The following HHIPL2 variants were observed in gnomAD, a reference collection of about 807,000 sequenced individuals.
HHIPL2 encodes HHIP-like protein 2.
Under a neutral mutation model 61.0 loss-of-function variants are expected in HHIPL2, and 61 were observed. The observed-to-expected ratio is 1.00, with a 90% CI of 0.81 to 1.24. The LOEUF is 1.24. HHIPL2 is among the 50% of genes most tolerant of loss of function. HHIPL2 has a pLI of 0.00. For missense variants in HHIPL2, 885 were observed against 910.2 expected (o/e 0.97, Z 0.36); for synonymous variants, 343 against 357.4 (o/e 0.96, Z 0.45).
In HHIPL2 at chr1:222,548,005, G is replaced by GC. The variant is rs764034570; in HGVS notation, c.39dup (p.His14AlafsTer46). The stretch of plus-strand genomic sequence containing the variant: ...GAAGAGAGCCAGGGGGCCCGGCAAT[G>GC]CAGACCACCACACAGATTAGGAGTG... On this transcript the variant is annotated frameshift_variant, in exon 1 of 9. Coordinates refer to ENST00000343410, the MANE Select transcript of HHIPL2 (RefSeq NM_024746.4). LOFTEE classifies it high-confidence loss of function. The GC allele has an allele frequency of 1.4e-5, 23 of 1,600,918 alleles. No homozygotes were observed. In the African/African-American group the frequency reaches 3.1e-4, roughly 21 times the overall value.
chr1:222,540,203 C>T lies in HHIPL2; in HGVS notation c.1257G>A (p.Arg419=), dbSNP rs1659401379. 1 of 1,614,150 alleles carries T rather than the reference C, an allele frequency of 6.2e-7. No individual in the cohort carries two copies. The highest frequency in any genetic ancestry group is 1.7e-5 in the Admixed American group (1 of 60,016). The change falls in exon 4 of 9, where the codon AGG becomes AGA. Residue 419 remains arginine, a synonymous_variant. Transcript: ENST00000343410. Reference sequence around the variant, plus strand: ...GGTCCACAGCACAACGCCACATGTTCCTGATCCCATAGGCATAGATGGCGG... The same window carrying T: ...GGTCCACAGCACAACGCCACATGTTTCTGATCCCATAGGCATAGATGGCGG... ...AHPAIYAYGI[R]NMWRCAVDRG...
rs753759658 is a variant in HHIPL2, at chr1:222,540,145, G to A, written c.1315C>T (p.Arg439Trp). The change falls in exon 4 of 9, where the codon CGG becomes TGG. Residue 439 changes from arginine (R) to tryptophan (W), a missense_variant. By Grantham distance (101) the Arg-to-Trp change is moderately radical. Transcript: ENST00000343410. ...TGGCCCACGTCCCCACAGAATATCC[G>A]GCCTCGGCCCTGGCGCGTGATGGGG... is the stretch of plus-strand genomic sequence containing the variant. ...GDPITRQGRG[R>W]IFCGDVGQNR... 70 of 1,614,102 alleles carry A rather than the reference G, an allele frequency of 4.3e-5. No individual in the cohort carries two copies. Among genetic ancestry groups the A allele is most frequent in the African/African-American group, 1.1e-4 (8 of 74,938 alleles).
chr1:222,526,128 G>A (rs1003159411), intron 7 of HHIPL2, among the ~76,000 whole-genome samples: 3 of 152,174 alleles, frequency 2.0e-5, no homozygotes, highest in East Asian at 3.8e-4. Context: ...TCTCAAGTGG[G>A]AAGTGGTATT....
chr1:222,543,671 G>C lies in HHIPL2; in HGVS notation c.840C>G (p.His280Gln), dbSNP rs758120875. 1.2e-6 allele frequency: 2 copies of C among 1,614,130 alleles called. No homozygotes were observed. Among genetic ancestry groups the C allele is most frequent in the Non-Finnish European group, 1.7e-6 (2 of 1,180,020 alleles). Residue 280 changes from histidine to glutamine, a missense_variant, in exon 2 of 9, where the codon CAC (histidine) becomes CAG (glutamine). Physicochemically the swap from His to Gln is conservative, Grantham distance 24. Transcript: ENST00000343410. ...ACTTGCGATTGTGGCGGAATTTGGGGTGAAAAGCCAACCCCAAGAAGCCTC... is the reference window on the plus strand; with the variant it reads ...ACTTGCGATTGTGGCGGAATTTGGGCTGAAAAGCCAACCCCAAGAAGCCTC... ...DERGFLGLAF[H>Q]PKFRHNRKFY...
rs1453904500 is a variant in HHIPL2, at chr1:222,522,649, C to T, written c.2127G>A (p.Arg709=). The T allele has an allele frequency of 1.2e-6, 2 of 1,614,066 alleles. No individual in the cohort carries two copies. Among genetic ancestry groups the T allele is most frequent in the Admixed American group, 1.7e-5 (1 of 60,014 alleles). ...RRKSLKSHSG[R]MRPSAEQKRA... Reference sequence around the variant, plus strand: ...GCTTCTGCTCTGCTGATGGCCTCATCCTGCCACTGTGGCTTTTCAGGCTCT... The same window carrying T: ...GCTTCTGCTCTGCTGATGGCCTCATTCTGCCACTGTGGCTTTTCAGGCTCT... The change falls in exon 9 of 9, where the codon AGG becomes AGA. Residue 709 remains arginine (R), a synonymous_variant. Coordinates refer to ENST00000343410, the MANE Select transcript of HHIPL2 (RefSeq NM_024746.4).
chr1:222,538,535 TA>T, intron 5 of HHIPL2, 112 bp downstream of exon 5: 1 of 992,224 alleles, frequency 1.0e-6, no homozygotes, highest in Non-Finnish European at 1.5e-6. Flanking sequence ...CATACATTTG[TA>T]AAACATCAAA....
At chr1:222,533,357 T>A (rs1659231790) in intron 5 of HHIPL2, among the ~76,000 whole-genome samples, 1 of 134,864 alleles carries the variant, frequency 7.4e-6, no homozygotes, top group Non-Finnish European at 1.5e-5. Flanking sequence ...AGAGGGAGAC[T>A]CTGTCTCAAA....
At chr1:222,533,712 G>A (rs1266376848) in intron 5 of HHIPL2, among the ~76,000 whole-genome samples, 1 of 152,170 alleles carries the variant, frequency 6.6e-6, no homozygotes, top group African/African-American at 2.4e-5. Flanking sequence ...CTGACAGACA[G>A]GAAACAAACA....
intron 5 of HHIPL2, among the ~76,000 whole-genome samples, chr1:222,538,189 G>A (rs1292031444): frequency 7.1e-6 from 1 of 141,060 alleles, no homozygotes; most frequent in African/African-American, 2.6e-5. Context: ...GCTTATCTCT[G>A]GCTGGGGTGT....
At chr1:222,538,193 G>GGGGT (rs969294320) in intron 5 of HHIPL2, among the ~76,000 whole-genome samples, 16 of 118,848 alleles carry the variant, frequency 1.3e-4, no homozygotes, top group African/African-American at 4.4e-4. Flanking sequence ...ATCTCTGGCT[G>GGGGT]GGGTGTGTGT....
chr1:222,523,757 G>T (rs779228778), intron 7 of HHIPL2, 63 bp from the exon 8 acceptor site: 6 of 1,493,072 alleles, frequency 4.0e-6, no homozygotes, highest in Non-Finnish European at 5.6e-6. Flanking sequence ...GAAAATCAAG[G>T]TTACCAGAGG....
chr1:222,534,126 A>T (rs957316287), intron 5 of HHIPL2, among the ~76,000 whole-genome samples: 1 of 152,228 alleles, frequency 6.6e-6, no homozygotes, highest in Non-Finnish European at 1.5e-5. Context: ...CTGTTTAGCA[A>T]ATATTAATAG....
In HHIPL2 at chr1:222,522,646, C is replaced by G. The variant is rs986089910; in HGVS notation, c.2130G>C (p.Met710Ile). 4.3e-6 allele frequency: 7 copies of G among 1,614,168 alleles called. No individual in the cohort carries two copies. The highest frequency in any genetic ancestry group is 5.9e-6 in the Non-Finnish European group (7 of 1,180,042). Residue 710 changes from methionine to isoleucine, a missense_variant, in exon 9 of 9, where the codon ATG becomes ATC. Transcript: ENST00000343410. The stretch of plus-strand genomic sequence containing the variant: ...CTCGCTTCTGCTCTGCTGATGGCCT[C>G]ATCCTGCCACTGTGGCTTTTCAGGC... ...RKSLKSHSGRMRPSAEQKRAG... is the reference protein window; with the variant it reads ...RKSLKSHSGRIRPSAEQKRAG...
chr1:222,545,505 A>G (rs1571779647), intron 1 of HHIPL2, among the ~76,000 whole-genome samples: 1 of 151,890 alleles, frequency 6.6e-6, no homozygotes, highest in South Asian at 2.1e-4. Context: ...AACATGACCC[A>G]CTCTTAAGTG....
intron 7 of HHIPL2, among the ~76,000 whole-genome samples, chr1:222,526,279 T>C (rs1558125949): frequency 6.6e-6 from 1 of 152,198 alleles, no homozygotes; most frequent in East Asian, 1.9e-4. Context: ...ACCTGCCAGT[T>C]AAACGTATTT....
At chr1:222,542,495 G>A (rs1272362311) in intron 2 of HHIPL2, among the ~76,000 whole-genome samples, 1 of 148,382 alleles carries the variant, frequency 6.7e-6, no homozygotes, top group Non-Finnish European at 1.5e-5. Flanking sequence ...AGAGCCTCCC[G>A]AGTAGCTGGG....
chr1:222,528,329 G>C (rs145634742), intron 6 of HHIPL2, among the ~76,000 whole-genome samples: 1 of 152,164 alleles, frequency 6.6e-6, no homozygotes, highest in African/African-American at 2.4e-5. Context: ...TAACCAGGCC[G>C]GGCGCGGTAG....
chr1:222,526,976 G>A lies in HHIPL2; in HGVS notation c.1798C>T (p.Pro600Ser), dbSNP rs1408231411. The A allele has an allele frequency of 6.2e-7, 1 of 1,612,234 alleles. No homozygotes were observed. The change falls in exon 7 of 9, where the codon CCC becomes TCC. Residue 600 changes from proline (P) to serine (S), a missense_variant. Coordinates refer to ENST00000343410, the MANE Select transcript of HHIPL2 (RefSeq NM_024746.4). ...AATGACATCAAATCTCACCTTGAGGGGTCAACAAACTTGTAAATAGATCCA... is the reference window on the plus strand; with the variant it reads ...AATGACATCAAATCTCACCTTGAGGAGTCAACAAACTTGTAAATAGATCCA... The part of the protein sequence containing the change: ...PRGSIYKFVD[P>S]SRRAPPGKCK...
In HHIPL2 at chr1:222,522,280, T is replaced by G; in HGVS notation, c.*321A>C. 2 of 331,678 alleles carry G rather than the reference T, an allele frequency of 6.0e-6. No homozygotes were observed. The highest frequency in any genetic ancestry group is 2.0e-5 in the African/African-American group (1 of 48,868). 20.5% of individuals were successfully genotyped at this position (331,678 alleles called of 1,614,324 possible). On this transcript the variant is annotated 3_prime_UTR_variant, in exon 9 of 9. Coordinates refer to ENST00000343410, the MANE Select transcript of HHIPL2 (RefSeq NM_024746.4). ...ATGTGCCAGTTTGAGCAAATGTTGATTTATTACCTCAGGTTGTAGGCATTT... is the reference window on the plus strand; with the variant it reads ...ATGTGCCAGTTTGAGCAAATGTTGAGTTATTACCTCAGGTTGTAGGCATTT...
Sources: allele counts gnomAD v4.1 joint callset (sites outside exome capture counted in the v4.1 genomes callset), GRCh38; gene constraint gnomAD v4.1.1; transcripts MANE v1.5; gene names NCBI Gene and HGNC (gene_info 2026-07-23, HGNC 2026-07-21).